Variants in MLH3 observed in about 807,000 individuals in gnomAD.
MLH3 encodes mutL homolog 3.
Under a neutral mutation model 122.2 loss-of-function variants are expected in MLH3, and 82 were observed. That is an observed-to-expected ratio of 0.67 (90% CI 0.56 to 0.81). The LOEUF (loss-of-function observed/expected upper bound fraction) is 0.81. Among genes scored for constraint, MLH3 ranks in the 30% least tolerant of loss-of-function variants. The probability of loss-of-function intolerance (pLI) is 0.00; values close to 1 mark genes in which losing one functional copy is unlikely to be tolerated. For missense variants in MLH3, 1,539 were observed against 1,714.5 expected (o/e 0.90, Z 1.81); for synonymous variants, 524 against 599.5 (o/e 0.87, Z 1.84).
chr14:75,032,155 T>A lies in MLH3; in HGVS notation c.3740A>T (p.Gln1247Leu), dbSNP rs909033868. The change falls in exon 8 of 13, where the codon CAA becomes CTA. Residue 1247 changes from glutamine (Q) to leucine (L), a missense_variant. Physicochemically the swap from Gln to Leu is moderately radical, Grantham distance 113 (BLOSUM62 -2). Coordinates refer to ENST00000355774, the MANE Select transcript of MLH3 (RefSeq NM_001040108.2). ...CAGTAATTTTTTCCGACCAGAGCCT[T>A]GTGCCTGTTGCTTCTCGTAGGAATC... The part of the protein sequence containing the change: ...IIDSYEKQQA[Q>L]GSGRKKLLSS... 18 of 1,613,052 alleles carry A rather than the reference T, an allele frequency of 1.1e-5. No homozygotes were observed. The highest frequency in any genetic ancestry group is 1.7e-5 in the Admixed American group (1 of 60,004).
At position 75,046,266 on chromosome 14, in the gene MLH3, C is replaced by T. The variant is rs1892210093; in HGVS notation, c.3280+110G>A. 5.2e-6 allele frequency: 6 copies of T among 1,152,440 alleles called. No homozygotes were observed. In the Admixed American group the frequency reaches 8.7e-5, roughly 17 times the overall value. 71.4% of individuals were successfully genotyped at this position (1,152,440 alleles called of 1,614,324 possible). ...CAACATATGTTTTATAAGTGGTCTT[C>T]AAAATGTTCTATCTGTTGAGATAAT... On this transcript the variant is annotated intron_variant, in intron 2 of 12. Coordinates refer to ENST00000355774, the MANE Select transcript of MLH3 (RefSeq NM_001040108.2).
chr14:75,049,734 AC>A lies in MLH3; in HGVS notation c.-63-17del. Reference sequence around the variant, plus strand: ...AAATAATTGCCTATTGGAGAAAAAAACCACACACGCACATAATCAAAGCTTT... The same window carrying A: ...AAATAATTGCCTATTGGAGAAAAAAACACACACGCACATAATCAAAGCTTT... On this transcript the variant is annotated splice_polypyrimidine_tract_variant and intron_variant, in intron 1 of 12. Coordinates refer to ENST00000355774, the MANE Select transcript of MLH3 (RefSeq NM_001040108.2). 7.4e-7 allele frequency: 1 copy of A among 1,352,852 alleles called. No individual in the cohort carries two copies. Among genetic ancestry groups the A allele is most frequent in the Non-Finnish European group, 1.0e-6 (1 of 965,170 alleles). The allele number at this position is 1,352,852 out of a possible 1,614,324, so 83.8% of individuals were successfully genotyped here. A position where few individuals can be genotyped will look rare whatever the true frequency, so the allele number is the denominator to read the frequency against.
At position 75,032,098 on chromosome 14, in the gene MLH3, G is replaced by T; in HGVS notation, c.3797C>A (p.Thr1266Lys). 1 of 1,612,846 alleles carries T rather than the reference G, an allele frequency of 6.2e-7. No homozygotes were observed. The highest frequency in any genetic ancestry group is 2.2e-5 in the East Asian group (1 of 44,860). ...GAGTCTCCTTTGTTCCTCTGTCACT[G>T]TTATCTCTAGCGGAGGAATTAGAGT... The part of the protein sequence containing the change: ...SSTLIPPLEI[T>K]VTEEQRRLLW... Residue 1266 changes from threonine to lysine, a missense_variant, in exon 8 of 13, where the codon ACA becomes AAA. Coordinates refer to ENST00000355774, the MANE Select transcript of MLH3 (RefSeq NM_001040108.2).
intron 2 of MLH3, among the ~76,000 whole-genome samples, chr14:75,044,941 G>T (rs980322567): frequency 1.3e-5 from 2 of 152,158 alleles, no homozygotes; most frequent in Non-Finnish European, 2.9e-5. Context: ...CCAACATCTG[G>T]CTCTCAACAC....
At chr14:75,021,345 C>T (rs1890269234) in intron 11 of MLH3, among the ~76,000 whole-genome samples, 1 of 152,216 alleles carries the variant, frequency 6.6e-6, no homozygotes, top group Non-Finnish European at 1.5e-5. Flanking sequence ...GCAAAAGAAA[C>T]TATCAACAGA....
At chr14:75,023,077 T>G in intron 9 of MLH3, 59 bp from the exon 10 acceptor site, 1 of 1,586,196 alleles carries the variant, frequency 6.3e-7, no homozygotes, top group Non-Finnish European at 8.7e-7. Context: ...TGCCCTTTGA[T>G]AGTTTACAAA....
At position 75,016,789 on chromosome 14, in the gene MLH3, TG is replaced by T; in HGVS notation, c.*292del. The stretch of plus-strand genomic sequence containing the variant: ...TAACAAACCAAGCAACCAATCAAAC[TG>T]TCATTAAATTTTATCATTAAATAAG... On this transcript the variant is annotated 3_prime_UTR_variant, in exon 13 of 13. Transcript: ENST00000355774. 1 of 328,028 alleles carries T rather than the reference TG, an allele frequency of 3.0e-6. No homozygotes were observed. The highest frequency in any genetic ancestry group is 5.9e-6 in the Non-Finnish European group (1 of 170,932). The allele number at this position is 328,028 out of a possible 1,614,324, so 20.3% of individuals were successfully genotyped here. A position where few individuals can be genotyped will look rare whatever the true frequency, so the allele number is the denominator to read the frequency against.
chr14:75,017,248 T>C, intron 12 of MLH3, 47 bp from the exon 13 acceptor site: 3 of 1,598,792 alleles, frequency 1.9e-6, no homozygotes, highest in Non-Finnish European at 2.6e-6. Context: ...AAAAGGTAGG[T>C]AGCATACAGG....
chr14:75,019,888 GT>G (rs1395819950), intron 11 of MLH3, among the ~76,000 whole-genome samples: 1 of 152,060 alleles, frequency 6.6e-6, no homozygotes, highest in Non-Finnish European at 1.5e-5. Context: ...GGCGCTTATG[GT>G]CTAATAGGGG....
intron 1 of MLH3, among the ~76,000 whole-genome samples, chr14:75,050,490 C>T (rs1037107715): frequency 6.6e-6 from 1 of 152,152 alleles, no homozygotes; most frequent in African/African-American, 2.4e-5. Flanking sequence ...GCCTGCACCT[C>T]CCGGGCTCAA....
Position 75,016,782 on chromosome 14 carries a change from A to G in MLH3, c.*300T>C. ...CTTCAAATAACAAACCAAGCAACCA[A>G]TCAAACTGTCATTAAATTTTATCAT... On this transcript the variant is annotated 3_prime_UTR_variant, in exon 13 of 13. Coordinates refer to ENST00000355774, the MANE Select transcript of MLH3 (RefSeq NM_001040108.2). 5.5e-6 allele frequency: 2 copies of G among 363,536 alleles called. No homozygotes were observed. Among genetic ancestry groups the G allele is most frequent in the Admixed American group, 4.1e-5 (1 of 24,348 alleles). 22.5% of individuals were successfully genotyped at this position (363,536 alleles called of 1,614,324 possible).
chr14:75,035,315 A>C (rs1202171080), intron 6 of MLH3, among the ~76,000 whole-genome samples: 1 of 152,040 alleles, frequency 6.6e-6, no homozygotes, highest in Non-Finnish European at 1.5e-5. Context: ...TGAGATCAGG[A>C]GTTCGAGACC....
chr14:75,029,786 C>A (rs922449193), intron 9 of MLH3, among the ~76,000 whole-genome samples: 3 of 152,134 alleles, frequency 2.0e-5, no homozygotes, highest in Admixed American at 6.5e-5. Context: ...CCACCCACCA[C>A]GGCCTCCCAA....
chr14:75,046,872 T>C lies in MLH3; in HGVS notation c.2784A>G (p.Glu928=), dbSNP rs139090569. Residue 928 remains glutamate, a synonymous_variant, in exon 2 of 13, where the codon GAA becomes GAG. Transcript: ENST00000355774. ...TTGGGATGACACCATTCTCTGTTTT[T>C]TCATGCTTGTTGTTAAATAACATAC... ...DFCMLFNNKH[E]KTENGVIPTS... is the part of the protein sequence containing the mutation. 3.1e-6 allele frequency: 5 copies of C among 1,613,988 alleles called. No individual in the cohort carries two copies. The highest frequency in any genetic ancestry group is 4.2e-6 in the Non-Finnish European group (5 of 1,180,038).
At chr14:75,039,866 TATATATATATA>T in intron 5 of MLH3, 34 bp downstream of exon 5, 1 of 371,534 alleles carries the variant, frequency 2.7e-6, no homozygotes, top group South Asian at 3.3e-5. Flanking sequence ...TATATATATA[TATATATATATA>T]TATATTTATG....
chr14:75,036,511 A>C (rs916204553), intron 6 of MLH3: 3 of 357,904 alleles, frequency 8.4e-6, no homozygotes, highest in African/African-American at 6.4e-5. Flanking sequence ...TGTCCAGCTA[A>C]TTTTTGTATT....
At chr14:75,049,809 ACT>A (rs1892546537) in intron 1 of MLH3, 91 bp from the exon 2 acceptor site, 2 of 818,398 alleles carry the variant, frequency 2.4e-6, no homozygotes, top group South Asian at 3.1e-5. Context: ...AAATGAAATC[ACT>A]CTTATTAAAC....
intron 2 of MLH3, among the ~76,000 whole-genome samples, chr14:75,042,869 G>T (rs29001562): frequency 6.6e-6 from 1 of 151,518 alleles, no homozygotes; most frequent in Non-Finnish European, 1.5e-5. Context: ...TCCGCCTCCC[G>T]GGTTCAAGCA....
chr14:75,039,659 T>A (rs983061342), intron 5 of MLH3, among the ~76,000 whole-genome samples: 3 of 151,818 alleles, frequency 2.0e-5, no homozygotes, highest in African/African-American at 4.8e-5. Context: ...AATCCATAAT[T>A]CATTCCCTCC....
Sources: gnomAD v4.1 joint callset for allele counts (sites outside exome capture counted in the v4.1 genomes callset) on GRCh38, gnomAD v4.1.1 for gene constraint, MANE v1.5 for transcripts, NCBI Gene and HGNC (gene_info 2026-07-23, HGNC 2026-07-21) for gene names.